Variants in CNTN5 observed in about 807,000 individuals in gnomAD.
CNTN5 encodes contactin-5.
CNTN5 carries 77 observed loss-of-function variants against 129.1 expected under a neutral mutation model. The ratio of observed to expected loss-of-function variants is 0.60; its 90% CI spans 0.50 to 0.72. The LOEUF is 0.72. CNTN5 is among the 30% of genes least tolerant of loss of function. The pLI, the probability that CNTN5 is intolerant of heterozygous loss-of-function variation, is 0.00. For synonymous variants in CNTN5, 509 were observed against 465.6 expected (o/e 1.09, Z -1.20); for missense variants, 1,478 against 1,328.8 (o/e 1.11, Z -1.75).
chr11:100,306,639 C>G (rs1951356614), intron 20 of CNTN5, among the ~76,000 whole-genome samples: 1 of 151,630 alleles, frequency 6.6e-6, no homozygotes, highest in East Asian at 1.9e-4. Flanking sequence ...GAAACATCAA[C>G]ATTCTTTCAT....
At chr11:100,005,375 C>T (rs939075309) in intron 9 of CNTN5, among the ~76,000 whole-genome samples, 1 of 152,100 alleles carries the variant, frequency 6.6e-6, no homozygotes, top group African/African-American at 2.4e-5. Flanking sequence ...CCTTTTCCTA[C>T]CTATTCTTGC....
intron 2 of CNTN5, among the ~76,000 whole-genome samples, chr11:99,491,981 T>C (rs10893406): frequency 0.3 from 44,987 of 152,014 alleles, 7,013 homozygotes; most frequent in East Asian, 0.43. Context: ...TATAACCAAC[T>C]TGAAGCCTGA....
chr11:100,317,967 C>A (rs1046806063), intron 21 of CNTN5, among the ~76,000 whole-genome samples: 3 of 151,476 alleles, frequency 2.0e-5, no homozygotes, highest in Admixed American at 6.6e-5. Context: ...CTCGGCTGGG[C>A]GCGATGGCTG....
chr11:99,899,886 T>C (rs1379645856), intron 6 of CNTN5, among the ~76,000 whole-genome samples: 1 of 152,052 alleles, frequency 6.6e-6, no homozygotes, highest in Admixed American at 6.6e-5. Flanking sequence ...AGGAGATTTT[T>C]TCTTATTACT....
intron 13 of CNTN5, among the ~76,000 whole-genome samples, chr11:100,120,922 A>AT (rs537268424): frequency 2.0e-5 from 3 of 151,748 alleles, no homozygotes; most frequent in Non-Finnish European, 2.9e-5. Flanking sequence ...ATCATTCAGC[A>AT]TTTTTTTTCA....
At chr11:99,405,282 C>G (rs1014477974) in intron 2 of CNTN5, among the ~76,000 whole-genome samples, 4 of 152,084 alleles carry the variant, frequency 2.6e-5, no homozygotes, top group Non-Finnish European at 5.9e-5. Flanking sequence ...GTTATTATCC[C>G]TTTGACTAAC....
intron 18 of CNTN5, among the ~76,000 whole-genome samples, chr11:100,286,002 C>A (rs1950777882): frequency 6.6e-6 from 1 of 152,176 alleles, no homozygotes; most frequent in Admixed American, 6.5e-5. Context: ...GACAGACGCA[C>A]CTGGAAAATC....
chr11:100,039,087 GT>G (rs1217084547), intron 9 of CNTN5, among the ~76,000 whole-genome samples: 2 of 152,182 alleles, frequency 1.3e-5, no homozygotes, highest in East Asian at 3.8e-4. Context: ...AACTTGGCAT[GT>G]TTTTGCAGTG....
intron 1 of CNTN5, among the ~76,000 whole-genome samples, chr11:99,121,588 A>G (rs540022344): frequency 6.6e-6 from 1 of 152,352 alleles, no homozygotes; most frequent in African/African-American, 2.4e-5. Context: ...GAGAGCTTGT[A>G]GAATGGGTTT....
intron 2 of CNTN5, among the ~76,000 whole-genome samples, chr11:99,472,534 T>G (rs1945215028): frequency 6.6e-6 from 1 of 152,242 alleles, no homozygotes; most frequent in Non-Finnish European, 1.5e-5. Context: ...TGTTCAACAC[T>G]TACTGTTGTG....
At chr11:99,962,558 T>C (rs1591488188) in intron 8 of CNTN5, among the ~76,000 whole-genome samples, 1 of 151,816 alleles carries the variant, frequency 6.6e-6, no homozygotes, top group Middle Eastern at 3.4e-3. Flanking sequence ...AGTCTATCAT[T>C]GTTGGACATT....
At chr11:100,146,132 T>C (rs1946844927) in intron 13 of CNTN5, among the ~76,000 whole-genome samples, 1 of 152,168 alleles carries the variant, frequency 6.6e-6, no homozygotes, top group African/African-American at 2.4e-5. Flanking sequence ...GCAAAGCAGA[T>C]TTTGTGTTTT....
chr11:99,280,834 A>T (rs1012912681), intron 1 of CNTN5, among the ~76,000 whole-genome samples: 1 of 151,862 alleles, frequency 6.6e-6, no homozygotes, highest in African/African-American at 2.4e-5. Context: ...CAGAAATAAC[A>T]TATGAATGAA....
intron 15 of CNTN5, among the ~76,000 whole-genome samples, chr11:100,195,625 G>A (rs781532513): frequency 4.0e-4 from 61 of 151,920 alleles, no homozygotes; most frequent in Non-Finnish European, 6.8e-4. Flanking sequence ...TCATGGTACT[G>A]AGAAGGGAGA....
intron 3 of CNTN5, among the ~76,000 whole-genome samples, chr11:99,757,101 C>G (rs1441187015): frequency 1.3e-5 from 2 of 151,890 alleles, no homozygotes; most frequent in Admixed American, 6.6e-5. Flanking sequence ...TCAGCAGGGT[C>G]GTGTTGTCTC....
chr11:100,148,428 C>T (rs1240446137), intron 13 of CNTN5, among the ~76,000 whole-genome samples: 1 of 152,204 alleles, frequency 6.6e-6, no homozygotes, highest in Admixed American at 6.5e-5. Flanking sequence ...TAGCCTCTTT[C>T]TCTTTTCCCT....
intron 16 of CNTN5, among the ~76,000 whole-genome samples, chr11:100,229,989 T>G (rs1434189551): frequency 6.6e-6 from 1 of 152,134 alleles, no homozygotes; most frequent in Non-Finnish European, 1.5e-5. Flanking sequence ...AATCCAGTAG[T>G]TATGAAAAAC....
chr11:99,547,764 A>T (rs561878427), intron 2 of CNTN5, among the ~76,000 whole-genome samples: 1 of 152,178 alleles, frequency 6.6e-6, no homozygotes, highest in African/African-American at 2.4e-5. Context: ...TTTACCCTAA[A>T]GGATATGATT....
chr11:99,619,331 T>C (rs927326132), intron 3 of CNTN5, among the ~76,000 whole-genome samples: 36 of 152,294 alleles, frequency 2.4e-4, no homozygotes, highest in African/African-American at 8.2e-4. Context: ...GTAAAATGTA[T>C]TATAATAGCT....
Sources: gnomAD v4.1 joint callset for allele counts (sites outside exome capture counted in the v4.1 genomes callset) on GRCh38, gnomAD v4.1.1 for gene constraint, MANE v1.5 for transcripts, NCBI Gene and HGNC (gene_info 2026-07-23, HGNC 2026-07-21) for gene names.